The following SGMS1 variants were observed in gnomAD, a reference collection of about 807,000 sequenced individuals.
The protein encoded by SGMS1 is sphingomyelin synthase 1.
In SGMS1, 13 loss-of-function variants were observed where a neutral mutation model predicts 46.2. The observed-to-expected ratio is 0.28, with a 90% confidence interval of 0.18 to 0.45. The LOEUF (loss-of-function observed/expected upper bound fraction) is 0.45, where lower values mean the gene tolerates loss of function less well. Among genes scored for constraint, SGMS1 ranks in the 20% least tolerant of loss-of-function variants. SGMS1 has a pLI of 1.00. For synonymous variants in SGMS1, 203 were observed against 187.8 expected, an observed-to-expected ratio of 1.08 and a Z score of -0.66; for missense variants, 324 against 519.9, an observed-to-expected ratio of 0.62 and a Z score of 3.66.
At chr10:50,319,546 T>C (rs1847406287) in intron 8 of SGMS1, among the ~76,000 whole-genome samples, 1 of 152,250 alleles carries the variant, frequency 6.6e-6, no homozygotes, top group Non-Finnish European at 1.5e-5. Flanking sequence ...TTACTTATCA[T>C]GCCCTGATTT....
At chr10:50,580,993 C>A (rs1285595094) in intron 2 of SGMS1, among the ~76,000 whole-genome samples, 1 of 152,154 alleles carries the variant, frequency 6.6e-6, no homozygotes, top group East Asian at 1.9e-4. Flanking sequence ...CCACACCCCA[C>A]CCCCAGAGTT....
upstream of SGMS1, chr10:50,625,086 C>T (rs547192133): frequency 2.0e-6 from 2 of 990,664 alleles, no homozygotes; most frequent in South Asian, 4.1e-5. Context: ...GCCTCCGCCT[C>T]GCCTTGGGGT....
intron 8 of SGMS1, among the ~76,000 whole-genome samples, chr10:50,324,897 T>C (rs905383819): frequency 1.3e-5 from 2 of 152,224 alleles, no homozygotes; most frequent in East Asian, 1.9e-4. Flanking sequence ...TTTAGAATTA[T>C]AGACTTAAAA....
chr10:50,561,537 A>G (rs543631932), intron 2 of SGMS1, among the ~76,000 whole-genome samples: 3 of 152,348 alleles, frequency 2.0e-5, no homozygotes, highest in African/African-American at 7.2e-5. Flanking sequence ...CAATTTCTTG[A>G]AGTTGCTCAA....
At chr10:50,447,317 G>C (rs1837031020) in intron 5 of SGMS1, among the ~76,000 whole-genome samples, 1 of 152,036 alleles carries the variant, frequency 6.6e-6, no homozygotes, top group Non-Finnish European at 1.5e-5. Flanking sequence ...TTTACACCCT[G>C]CTGTTAAGGA....
chr10:50,534,465 A>C (rs1837982089), intron 2 of SGMS1, among the ~76,000 whole-genome samples: 1 of 152,096 alleles, frequency 6.6e-6, no homozygotes, highest in Non-Finnish European at 1.5e-5. Context: ...AATGAGATGA[A>C]TGCTTCCCTA....
At chr10:50,386,569 T>A (rs899699188) in intron 6 of SGMS1, among the ~76,000 whole-genome samples, 2 of 152,174 alleles carry the variant, frequency 1.3e-5, no homozygotes, top group Non-Finnish European at 2.9e-5. Context: ...CATGTGTAGT[T>A]CTCTGAACAA....
At chr10:50,464,681 G>A (rs1227406036) in intron 4 of SGMS1, among the ~76,000 whole-genome samples, 1 of 152,176 alleles carries the variant, frequency 6.6e-6, no homozygotes, top group Non-Finnish European at 1.5e-5. Context: ...TGATTTGCCC[G>A]CCTTGGCCTC....
At chr10:50,516,550 C>G (rs1320878339) in intron 3 of SGMS1, among the ~76,000 whole-genome samples, 3 of 152,070 alleles carry the variant, frequency 2.0e-5, no homozygotes, top group Admixed American at 2.0e-4. Flanking sequence ...ATTTCAGTTT[C>G]CAAGGGAGTA....
intron 6 of SGMS1, among the ~76,000 whole-genome samples, chr10:50,397,059 C>CA (rs933264398): frequency 1.5e-3 from 219 of 147,226 alleles, no homozygotes; most frequent in East Asian, 8.4e-3. Context: ...AGATCAAAAG[C>CA]AAAAAAAAAA....
At chr10:50,423,138 G>A (rs530160123) in intron 6 of SGMS1, among the ~76,000 whole-genome samples, 28 of 152,352 alleles carry the variant, frequency 1.8e-4, no homozygotes, top group African/African-American at 6.7e-4. Flanking sequence ...AGCAAGGTGA[G>A]CCACATTGGC....
At chr10:50,478,429 C>T (rs1837447441) in intron 3 of SGMS1, among the ~76,000 whole-genome samples, 1 of 152,104 alleles carries the variant, frequency 6.6e-6, no homozygotes, top group African/African-American at 2.4e-5. Context: ...CTTTCAACTC[C>T]CCAGAATAGG....
chr10:50,477,211 C>T (rs181570105), intron 3 of SGMS1, among the ~76,000 whole-genome samples: 1 of 152,382 alleles, frequency 6.6e-6, no homozygotes, highest in African/African-American at 2.4e-5. Flanking sequence ...TGCCTGGCAT[C>T]AGTGTGGCCT....
chr10:50,567,623 C>T (rs1207957387), intron 2 of SGMS1, among the ~76,000 whole-genome samples: 3 of 152,180 alleles, frequency 2.0e-5, no homozygotes, highest in Admixed American at 6.5e-5. Context: ...TGTCTGAGTG[C>T]CCAACCTCCA....
At chr10:50,386,396 A>G (rs1848682860) in intron 6 of SGMS1, among the ~76,000 whole-genome samples, 1 of 152,218 alleles carries the variant, frequency 6.6e-6, no homozygotes, top group Non-Finnish European at 1.5e-5. Context: ...TATGGGTTGA[A>G]GTAATTAGAA....
chr10:50,454,578 C>T (rs1186961866), intron 5 of SGMS1, among the ~76,000 whole-genome samples: 2 of 152,266 alleles, frequency 1.3e-5, no homozygotes, highest in African/African-American at 2.4e-5. Context: ...AGTCCAACTT[C>T]TCTCTCTTCA....
At chr10:50,371,292 G>T (rs1057035834) in intron 6 of SGMS1, among the ~76,000 whole-genome samples, 2 of 152,120 alleles carry the variant, frequency 1.3e-5, no homozygotes, top group Non-Finnish European at 2.9e-5. Context: ...CCTTTCCATT[G>T]TAACCACCAT....
intron 6 of SGMS1, among the ~76,000 whole-genome samples, chr10:50,347,325 T>C (rs1356009331): frequency 6.6e-6 from 1 of 152,108 alleles, no homozygotes; most frequent in Non-Finnish European, 1.5e-5. Context: ...AAAATACCAT[T>C]GACAATGAAA....
intron 6 of SGMS1, among the ~76,000 whole-genome samples, chr10:50,425,142 C>T (rs1849308321): frequency 6.6e-6 from 1 of 152,128 alleles, no homozygotes; most frequent in Admixed American, 6.6e-5. Context: ...TTATCCACTG[C>T]TGGTGGGAAT....
Sources: allele counts gnomAD v4.1 joint callset (sites outside exome capture counted in the v4.1 genomes callset), GRCh38; gene constraint gnomAD v4.1.1; transcripts MANE v1.5; gene names NCBI Gene and HGNC (gene_info 2026-07-23, HGNC 2026-07-21).